Variants in HSPA12A observed in about 807,000 individuals in gnomAD.
HSPA12A encodes heat shock 70 kDa protein 12A.
In HSPA12A, 28 loss-of-function variants were observed where a neutral mutation model predicts 69.2. The ratio of observed to expected loss-of-function variants is 0.40; its 90% CI spans 0.30 to 0.55. The LOEUF is 0.55. HSPA12A is among the 20% of genes least tolerant of loss of function. The probability of loss-of-function intolerance (pLI) is 0.38; values close to 1 mark genes in which losing one functional copy is unlikely to be tolerated. For synonymous variants in HSPA12A, 345 were observed against 370.5 expected (o/e 0.93, Z 0.79); for missense variants, 686 against 900.7 (o/e 0.76, Z 3.05).
At position 116,845,424 on chromosome 10, in the gene HSPA12A, G is replaced by A. The variant is rs1404783560; in HGVS notation, c.3+4142C>T. Among the ~76,000 whole-genome samples the A allele has an allele frequency of 2.6e-5, 4 of 152,210 alleles. No homozygotes were observed. In the East Asian group the frequency reaches 7.7e-4, roughly 29 times the overall value. ...TCCACCTTAGGTTTTCTCATTCCCAGACAAGTGTTTCTTGTTGCACACCAT... is the reference window on the plus strand; with the variant it reads ...TCCACCTTAGGTTTTCTCATTCCCAAACAAGTGTTTCTTGTTGCACACCAT... On this transcript the variant is annotated intron_variant, in intron 1 of 12. Coordinates refer to the HSPA12A transcript ENST00000635765.
intron 2 of HSPA12A, among the ~76,000 whole-genome samples, chr10:116,767,336 C>T (rs1157913473): frequency 6.6e-6 from 1 of 152,146 alleles, no homozygotes; most frequent in Admixed American, 6.5e-5. Flanking sequence ...GTGTTCATCC[C>T]CCTTCCTCCC....
intron 2 of HSPA12A, among the ~76,000 whole-genome samples, chr10:116,794,204 C>T (rs913743141): frequency 3.3e-5 from 5 of 151,392 alleles, no homozygotes; most frequent in Non-Finnish European, 5.9e-5. Flanking sequence ...AGCAAGACTC[C>T]GTCTCAAAAA....
intron 2 of HSPA12A, among the ~76,000 whole-genome samples, chr10:116,825,344 T>C (rs958381068): frequency 6.6e-6 from 1 of 151,874 alleles, no homozygotes; most frequent in African/African-American, 2.4e-5. Flanking sequence ...ACCCCATCTC[T>C]ACTAAAAATA....
intron 2 of HSPA12A, among the ~76,000 whole-genome samples, chr10:116,777,461 C>T (rs567435125): frequency 1.3e-5 from 2 of 152,346 alleles, no homozygotes; most frequent in East Asian, 3.9e-4. Flanking sequence ...TCCTGCCCCA[C>T]CTGGTGCCTC....
In HSPA12A at chr10:116,712,669, G is replaced by A. The variant is rs367844296; in HGVS notation, c.41-5384C>T. ...AGAGCCATAATTCATGAACTTGCTTGCTGTTCTCCTCTGCCAAAGTCATTA... is the reference window on the plus strand; with the variant it reads ...AGAGCCATAATTCATGAACTTGCTTACTGTTCTCCTCTGCCAAAGTCATTA... On this transcript the variant is annotated intron_variant, in intron 1 of 11. Transcript: ENST00000369209. 2.8e-4 allele frequency among the ~76,000 whole-genome samples: 43 copies of A among 152,190 alleles called. No homozygotes were observed. In the East Asian group the frequency reaches 5.6e-3, roughly 20 times the overall value.
At chr10:116,705,068 C>T (rs944752590) in intron 3 of HSPA12A, 83 bp downstream of exon 3, 2 of 1,546,366 alleles carry the variant, frequency 1.3e-6, no homozygotes, top group Non-Finnish European at 8.8e-7. Context: ...TTCGTAAGTG[C>T]CAATCACTGG....
chr10:116,777,949 A>T (rs963373678), intron 2 of HSPA12A, among the ~76,000 whole-genome samples: 2 of 152,146 alleles, frequency 1.3e-5, no homozygotes, highest in African/African-American at 4.8e-5. Flanking sequence ...GCTGGTCTCA[A>T]ACTCCTGACC....
chr10:116,849,879 G>T, upstream of HSPA12A: 1 of 940,564 alleles, frequency 1.1e-6, no homozygotes, highest in Non-Finnish European at 1.7e-6. Context: ...GGAGACTTCT[G>T]GAGGGAAGGA....
At chr10:116,706,366 G>A (rs1342218966) in intron 2 of HSPA12A, among the ~76,000 whole-genome samples, 1 of 152,040 alleles carries the variant, frequency 6.6e-6, no homozygotes, top group African/African-American at 2.4e-5. Flanking sequence ...ACTTCAGGGT[G>A]CAAAGCTTGA....
intron 2 of HSPA12A, among the ~76,000 whole-genome samples, chr10:116,777,205 C>G (rs1476207066): frequency 1.3e-5 from 2 of 152,216 alleles, no homozygotes; most frequent in African/African-American, 4.8e-5. Flanking sequence ...GTGGTCCCCC[C>G]ACATCTGAGG....
chr10:116,681,653 G>A (rs1664711626), intron 8 of HSPA12A, 138 bp downstream of exon 8: 3 of 672,994 alleles, frequency 4.5e-6, no homozygotes, highest in Non-Finnish European at 7.8e-6. Flanking sequence ...TCCCAAAAGA[G>A]CTCTCCCTGC....
Position 116,742,278 on chromosome 10 carries a change from G to GCTGACC in HSPA12A, c.40+146_40+151dup, listed in dbSNP as rs1851537356. Reference sequence around the variant, plus strand: ...GACCCCGGCCCCCGGCCCCGCTGCTGCTGACCCCGGCCCCGCCCGCCAGAA... The same window carrying GCTGACC: ...GACCCCGGCCCCCGGCCCCGCTGCTGCTGACCCTGACCCCGGCCCCGCCCGCCAGAA... On this transcript the variant is annotated intron_variant, in intron 1 of 11. Transcript: ENST00000369209. 4 of 818,936 alleles carry GCTGACC rather than the reference G, an allele frequency of 4.9e-6. No homozygotes were observed. The South Asian group carries it at 1.4e-4, about 29-fold the overall frequency. 50.7% of individuals were successfully genotyped at this position (818,936 alleles called of 1,614,324 possible).
chr10:116,760,059 C>G (rs1015423453), intron 2 of HSPA12A, among the ~76,000 whole-genome samples: 2 of 152,224 alleles, frequency 1.3e-5, no homozygotes, highest in Admixed American at 1.3e-4. Context: ...AGTATGAAAA[C>G]AGACTAATAC....
upstream of HSPA12A, among the ~76,000 whole-genome samples, chr10:116,744,607 G>A (rs976566956): frequency 6.6e-6 from 1 of 152,234 alleles, no homozygotes; most frequent in Non-Finnish European, 1.5e-5. Context: ...ATTTGCAGGG[G>A]AGCATGAAAG....
chr10:116,829,388 G>A (rs907992525), intron 2 of HSPA12A: 3 of 152,496 alleles, frequency 2.0e-5, no homozygotes, highest in Admixed American at 6.5e-5. Context: ...TTAGCAGCGC[G>A]AGAACAGACT....
chr10:116,756,560 C>T (rs1427925526), intron 2 of HSPA12A, among the ~76,000 whole-genome samples: 2 of 152,200 alleles, frequency 1.3e-5, no homozygotes, highest in African/African-American at 4.8e-5. Context: ...GGCACCGGCC[C>T]ATGTGGGTGG....
At chr10:116,721,064 C>T (rs1207284023) in intron 1 of HSPA12A, among the ~76,000 whole-genome samples, 1 of 152,172 alleles carries the variant, frequency 6.6e-6, no homozygotes, top group Admixed American at 6.5e-5. Flanking sequence ...GTCTAAAATC[C>T]CTAATTACTT....
chr10:116,700,875 C>G lies in HSPA12A; in HGVS notation c.441+68G>C. On this transcript the variant is annotated intron_variant, in intron 4 of 11. Transcript: ENST00000369209. ...GGGTTGGGAGGACATCCCTTCCCCA[C>G]CCCAAGGCTGGAGGAAGCTTGGCAC... is the stretch of plus-strand genomic sequence containing the variant. The G allele has an allele frequency of 2.0e-6, 3 of 1,526,058 alleles. No homozygotes were observed. The South Asian group carries it at 3.6e-5, about 18-fold the overall frequency. The allele number at this position is 1,526,058 out of a possible 1,614,324, so 94.5% of individuals were successfully genotyped here. A position where few individuals can be genotyped will look rare whatever the true frequency, so the allele number is the denominator to read the frequency against.
At chr10:116,736,460 G>A (rs1038241464) in intron 1 of HSPA12A, among the ~76,000 whole-genome samples, 32 of 152,328 alleles carry the variant, frequency 2.1e-4, no homozygotes, top group African/African-American at 6.5e-4. Flanking sequence ...CCCTGGTACC[G>A]ATGACTATGT....
Sources: allele counts gnomAD v4.1 joint callset (sites outside exome capture counted in the v4.1 genomes callset), GRCh38; gene constraint gnomAD v4.1.1; transcripts MANE v1.5; gene names NCBI Gene and HGNC (gene_info 2026-07-23, HGNC 2026-07-21).